GRM7: variants seen among roughly 807,000 people sequenced by gnomAD.
GRM7 encodes the protein glutamate metabotropic receptor 7.
GRM7 carries 35 observed loss-of-function variants against 84.5 expected under a neutral mutation model. The observed-to-expected ratio is 0.41, with a 90% CI of 0.32 to 0.55. The LOEUF is 0.55. Ranked by LOEUF, GRM7 falls within the 20% of genes least tolerant of loss-of-function variation. The probability of loss-of-function intolerance (pLI) is 0.19; values close to 1 mark genes in which losing one functional copy is unlikely to be tolerated. For synonymous variants in GRM7, 487 were observed against 455.1 expected, an observed-to-expected ratio of 1.07 and a Z score of -0.89; for missense variants, 1,003 against 1,194.6, an observed-to-expected ratio of 0.84 and a Z score of 2.36.
At chr3:7,305,007 A>G (rs147020271) in intron 3 of GRM7, among the ~76,000 whole-genome samples, 2 of 152,276 alleles carry the variant, frequency 1.3e-5, no homozygotes, top group East Asian at 3.9e-4. Context: ...CAGATTGGCC[A>G]TTCCATCAGA....
intron 1 of GRM7, among the ~76,000 whole-genome samples, chr3:6,878,378 CG>C (rs1695389502): frequency 2.8e-5 from 4 of 142,056 alleles, no homozygotes; most frequent in East Asian, 4.2e-4. Flanking sequence ...TATGTGTTTG[CG>C]TGTGTGTGTG....
At chr3:7,027,821 C>A (rs1696035407) in intron 1 of GRM7, among the ~76,000 whole-genome samples, 1 of 152,042 alleles carries the variant, frequency 6.6e-6, no homozygotes, top group Admixed American at 6.6e-5. Flanking sequence ...CCAAGTTTTC[C>A]ACTCCTTATT....
intron 7 of GRM7, among the ~76,000 whole-genome samples, chr3:7,482,984 A>G (rs565046230): frequency 5.9e-5 from 9 of 152,302 alleles, no homozygotes; most frequent in African/African-American, 2.2e-4. Context: ...GGTCTTGTTC[A>G]ATACTCCTAA....
chr3:7,260,673 T>TTGTGTGTGTGTGTGTGTG (rs71063292), intron 2 of GRM7, among the ~76,000 whole-genome samples: 1,977 of 144,456 alleles, frequency 0.014, 33 homozygotes, highest in South Asian at 0.017. Context: ...TTCTTTTGAA[T>TTGTGTGTGTGTGTGTGTG]TGTGTGTGTG....
intron 9 of GRM7, among the ~76,000 whole-genome samples, chr3:7,714,218 T>C (rs1701696244): frequency 1.3e-5 from 2 of 152,078 alleles, no homozygotes; most frequent in Admixed American, 1.3e-4. Flanking sequence ...GGGGAGGAGA[T>C]ATTTGCACAA....
At chr3:7,150,085 G>A (rs112415887) in intron 2 of GRM7, among the ~76,000 whole-genome samples, 6 of 146,084 alleles carry the variant, frequency 4.1e-5, no homozygotes, top group Non-Finnish European at 6.1e-5. Context: ...GTGTGTGTGT[G>A]TGAGAGAGAG....
At chr3:7,002,938 A>C (rs907125559) in intron 1 of GRM7, among the ~76,000 whole-genome samples, 2 of 152,230 alleles carry the variant, frequency 1.3e-5, no homozygotes, top group Non-Finnish European at 2.9e-5. Context: ...CATTTGCGAC[A>C]ACATGGATAA....
intron 1 of GRM7, among the ~76,000 whole-genome samples, chr3:6,867,898 G>T (rs1694990156): frequency 6.6e-6 from 1 of 151,998 alleles, no homozygotes; most frequent in Non-Finnish European, 1.5e-5. Flanking sequence ...CAAGTAACCT[G>T]CTTTCAACTA....
chr3:6,927,411 G>T (rs1685922146), intron 1 of GRM7, among the ~76,000 whole-genome samples: 1 of 150,806 alleles, frequency 6.6e-6, no homozygotes, highest in Non-Finnish European at 1.5e-5. Context: ...CTGGGTGACA[G>T]AGCTAGACTC....
chr3:7,423,876 T>G (rs1696497471), intron 5 of GRM7, among the ~76,000 whole-genome samples: 1 of 152,126 alleles, frequency 6.6e-6, no homozygotes, highest in Non-Finnish European at 1.5e-5. Context: ...TGCTAATTTT[T>G]TCATTCTCAT....
At chr3:7,064,569 A>G (rs930253305) in intron 1 of GRM7, among the ~76,000 whole-genome samples, 2 of 81,090 alleles carry the variant, frequency 2.5e-5, no homozygotes, top group African/African-American at 1.4e-4. Flanking sequence ...ATATATATAT[A>G]TCACAGTTTC....
At chr3:6,899,911 C>T (rs1201687431) in intron 1 of GRM7, among the ~76,000 whole-genome samples, 2 of 152,098 alleles carry the variant, frequency 1.3e-5, no homozygotes, top group African/African-American at 4.8e-5. Context: ...GACATAAACC[C>T]ATTTCTAAAA....
At chr3:7,562,554 G>A (rs1019374886) in intron 7 of GRM7, among the ~76,000 whole-genome samples, 1 of 151,964 alleles carries the variant, frequency 6.6e-6, no homozygotes, top group Non-Finnish European at 1.5e-5. Context: ...ATGACCCTAC[G>A]AGTTCTTCTA....
At chr3:7,404,681 G>T (rs991222199) in intron 4 of GRM7, among the ~76,000 whole-genome samples, 11 of 152,022 alleles carry the variant, frequency 7.2e-5, no homozygotes, top group Non-Finnish European at 1.5e-4. Flanking sequence ...AATAACAACT[G>T]TGTGTTCCAG....
chr3:7,420,094 A>T (rs1696333488), intron 5 of GRM7, among the ~76,000 whole-genome samples: 1 of 152,184 alleles, frequency 6.6e-6, no homozygotes, highest in African/African-American at 2.4e-5. Flanking sequence ...GGAGCTAACA[A>T]AAAGCCTGTT....
rs191093513 is a variant in GRM7, at chr3:7,711,796, A to T, written c.2699-28561A>T. On this transcript the variant is annotated intron_variant, in intron 9 of 9. Transcript: ENST00000357716. ...TCCTTCCAAAGGGGAAATGTCTGTG[A>T]AGAGCAGAAACTGACAAGCCACTCC... Among the ~76,000 whole-genome samples, 427 of 152,314 alleles carry T rather than the reference A, an allele frequency of 2.8e-3. 7 individuals are homozygous for T. Among genetic ancestry groups the T allele is most frequent in the Middle Eastern group, 0.02 (6 of 294 alleles).
rs573589665 is a variant in GRM7 at position 7,116,171 on chromosome 3, A to G, written c.520-30281A>G. ...ACCAACAGAGTCTGGTGATGGTGGC[A>G]AAAATAATTTCTTCCTTTGAGAGTT... On this transcript the variant is annotated intron_variant, in intron 1 of 9. Transcript: ENST00000357716. 3.9e-4 allele frequency among the ~76,000 whole-genome samples: 59 copies of G among 152,244 alleles called. 1 individual carries two copies. The South Asian group carries it at 0.012, about 32-fold the overall frequency.
intron 9 of GRM7, among the ~76,000 whole-genome samples, chr3:7,683,785 A>T (rs1270459940): frequency 6.6e-6 from 1 of 152,236 alleles, no homozygotes; most frequent in Non-Finnish European, 1.5e-5. Context: ...CATTGTATTT[A>T]AATTTAAGCA....
chr3:7,136,102 C>A (rs537722798), intron 1 of GRM7, among the ~76,000 whole-genome samples: 4 of 151,856 alleles, frequency 2.6e-5, no homozygotes, highest in Admixed American at 2.0e-4. Context: ...AGTGAAAGTG[C>A]GTCATACATG....
Sources: gnomAD v4.1 joint callset for allele counts (sites outside exome capture counted in the v4.1 genomes callset) on GRCh38, gnomAD v4.1.1 for gene constraint, MANE v1.5 for transcripts, NCBI Gene and HGNC (gene_info 2026-07-23, HGNC 2026-07-21) for gene names.